The following STXBP5L variants were observed in gnomAD, a reference collection of about 807,000 sequenced individuals.
STXBP5L encodes the protein syntaxin-binding protein 5-like.
In STXBP5L, 65 loss-of-function variants were observed where a neutral mutation model predicts 144.5. The observed-to-expected ratio is 0.45, with a 90% confidence interval of 0.37 to 0.55. STXBP5L has a LOEUF of 0.55. STXBP5L is among the 20% of genes least tolerant of loss of function. STXBP5L has a pLI of 0.00. For missense variants in STXBP5L, 1,298 were observed against 1,405.5 expected, an observed-to-expected ratio of 0.92 and a Z score of 1.22; for synonymous variants, 505 against 469.6, an observed-to-expected ratio of 1.08 and a Z score of -0.97.
chr3:121,218,145 TG>T lies in STXBP5L; in HGVS notation c.957-4857del, dbSNP rs567509349. On this transcript the variant is annotated intron_variant, in intron 10 of 26. Coordinates refer to ENST00000471454, the MANE Select transcript of STXBP5L (RefSeq NM_001308330.2). ...TAATATAATATGTAGTATAATGTAA[TG>T]TAATATATAGTAATAATATACTATA... Among the ~76,000 whole-genome samples the T allele has an allele frequency of 6.6e-3, 926 of 141,054 alleles. 10 individuals carry two copies. Among genetic ancestry groups the T allele is most frequent in the African/African-American group, 0.023 (893 of 38,222 alleles). The allele number at this position is 141,054 out of a possible 152,430, so 92.5% of individuals were successfully genotyped here.
chr3:121,053,488 G>T (rs948833356), intron 5 of STXBP5L, among the ~76,000 whole-genome samples: 1 of 152,098 alleles, frequency 6.6e-6, no homozygotes, highest in Non-Finnish European at 1.5e-5. Flanking sequence ...ACAAGAAATG[G>T]GGAAAGGATT....
At chr3:121,070,144 G>GA (rs2041741146) in intron 5 of STXBP5L, among the ~76,000 whole-genome samples, 1 of 152,242 alleles carries the variant, frequency 6.6e-6, no homozygotes, top group South Asian at 2.1e-4. Flanking sequence ...CATATGTCCA[G>GA]AATTCTGAGC....
chr3:121,264,904 A>G (rs1011867952), intron 18 of STXBP5L, among the ~76,000 whole-genome samples: 1 of 152,152 alleles, frequency 6.6e-6, no homozygotes, highest in Non-Finnish European at 1.5e-5. Context: ...ACATAATAGT[A>G]AAGGGATCAA....
intron 3 of STXBP5L, among the ~76,000 whole-genome samples, chr3:121,037,903 T>C (rs992453872): frequency 3.3e-5 from 5 of 152,082 alleles, no homozygotes; most frequent in African/African-American, 1.2e-4. Context: ...TTCTGGGAAT[T>C]TGTCCATTTC....
intron 3 of STXBP5L, among the ~76,000 whole-genome samples, chr3:121,009,537 G>C (rs1419111081): frequency 2.0e-5 from 3 of 151,872 alleles, no homozygotes; most frequent in African/African-American, 2.4e-5. Context: ...ATTTATTACT[G>C]TACCACCTTA....
At chr3:121,287,211 T>C (rs1381301738) in intron 19 of STXBP5L, among the ~76,000 whole-genome samples, 1 of 152,198 alleles carries the variant, frequency 6.6e-6, no homozygotes, top group East Asian at 1.9e-4. Context: ...CTATTTAACA[T>C]TGTACTGGAA....
chr3:121,025,994 A>C (rs1346277992), intron 3 of STXBP5L, among the ~76,000 whole-genome samples: 1 of 145,954 alleles, frequency 6.9e-6, no homozygotes, highest in Non-Finnish European at 1.5e-5. Context: ...TATTAGTATT[A>C]TCAATATATT....
intron 9 of STXBP5L, among the ~76,000 whole-genome samples, chr3:121,159,842 C>A (rs1019122884): frequency 6.6e-6 from 1 of 152,040 alleles, no homozygotes; most frequent in Middle Eastern, 3.4e-3. Flanking sequence ...CCGTGTTAGC[C>A]AGGATGGTCT....
rs182113318 is a variant in STXBP5L, at chr3:121,005,052, A to G, written c.288-36648A>G. On this transcript the variant is annotated intron_variant, in intron 3 of 26. Transcript: ENST00000471454. ...CTCTGCCAGGCTTTGGTATCAGGATAATGCTGGCTTCATAAAATGAGTTAG... is the reference window on the plus strand; with the variant it reads ...CTCTGCCAGGCTTTGGTATCAGGATGATGCTGGCTTCATAAAATGAGTTAG... Among the ~76,000 whole-genome samples, 382 of 152,022 alleles carry G rather than the reference A, an allele frequency of 2.5e-3. 2 individuals carry two copies. Among genetic ancestry groups the G allele is most frequent in the African/African-American group, 8.5e-3 (355 of 41,540 alleles).
At position 121,363,033 on chromosome 3, in the gene STXBP5L, A is replaced by G. The variant is rs115863673; in HGVS notation, c.2177-15683A>G. On this transcript the variant is annotated intron_variant, in intron 20 of 26. Coordinates refer to ENST00000471454, the MANE Select transcript of STXBP5L (RefSeq NM_001308330.2). The stretch of plus-strand genomic sequence containing the variant: ...AGGTGATGTTAAGAAATTTTTTCTG[A>G]GAGATACGGCCTGGAATAGGGGCCT... 4.5e-3 allele frequency among the ~76,000 whole-genome samples: 687 copies of G among 152,260 alleles called. 5 individuals carry two copies. The highest frequency in any genetic ancestry group is 7.7e-3 in the Non-Finnish European group (525 of 67,998).
intron 9 of STXBP5L, among the ~76,000 whole-genome samples, chr3:121,178,433 T>G (rs2047017868): frequency 6.6e-6 from 1 of 152,194 alleles, no homozygotes; most frequent in African/African-American, 2.4e-5. Flanking sequence ...GGCTATATGT[T>G]AAATAACAAG....
chr3:121,095,849 G>GCAACA (rs2043093559), intron 5 of STXBP5L, among the ~76,000 whole-genome samples: 1 of 152,128 alleles, frequency 6.6e-6, no homozygotes, highest in Non-Finnish European at 1.5e-5. Context: ...TCCTTTGGAG[G>GCAACA]GGGAGAGGCA....
intron 19 of STXBP5L, among the ~76,000 whole-genome samples, chr3:121,295,645 A>T (rs2051621055): frequency 6.6e-6 from 1 of 152,132 alleles, no homozygotes; most frequent in South Asian, 2.1e-4. Flanking sequence ...CAGACAAATA[A>T]AACAGTCTCT....
chr3:121,159,796 A>ATT (rs370579875), intron 9 of STXBP5L, among the ~76,000 whole-genome samples: 1 of 149,954 alleles, frequency 6.7e-6, no homozygotes. Context: ...TGCCCGGCTA[A>ATT]TTTTTTTTTG....
intron 11 of STXBP5L, among the ~76,000 whole-genome samples, chr3:121,230,053 A>T (rs116208412): frequency 0.014 from 2,199 of 152,222 alleles, 26 homozygotes; most frequent in Non-Finnish European, 0.021. Flanking sequence ...CTATTATTTA[A>T]TTTAGGATTT....
At chr3:120,958,658 T>C (rs1398496859) in intron 3 of STXBP5L, among the ~76,000 whole-genome samples, 1 of 152,186 alleles carries the variant, frequency 6.6e-6, no homozygotes, top group Admixed American at 6.5e-5. Flanking sequence ...AAAAACCACA[T>C]GATTATCTCA....
intron 9 of STXBP5L, among the ~76,000 whole-genome samples, chr3:121,199,466 C>G (rs2048053171): frequency 6.6e-6 from 1 of 152,024 alleles, no homozygotes; most frequent in Non-Finnish European, 1.5e-5. Flanking sequence ...AACTGAATAC[C>G]TTTCATTTCT....
chr3:121,215,933 A>C (rs535394026), intron 10 of STXBP5L, among the ~76,000 whole-genome samples: 14 of 152,050 alleles, frequency 9.2e-5, no homozygotes, highest in African/African-American at 3.4e-4. Context: ...TGTTTTCTTC[A>C]TGCTTTATTT....
chr3:121,054,577 C>T (rs1035099858), intron 5 of STXBP5L, among the ~76,000 whole-genome samples: 5 of 114,784 alleles, frequency 4.4e-5, no homozygotes, highest in Admixed American at 1.2e-4. Flanking sequence ...CATCACACTC[C>T]AGGGCCTGTT....
Sources: gnomAD v4.1 joint callset for allele counts (sites outside exome capture counted in the v4.1 genomes callset) on GRCh38, gnomAD v4.1.1 for gene constraint, MANE v1.5 for transcripts, NCBI Gene and HGNC (gene_info 2026-07-23, HGNC 2026-07-21) for gene names.